Variants in ATP10A observed in about 807,000 individuals in gnomAD.
ATP10A encodes phospholipid-transporting ATPase VA.
In ATP10A, 111 loss-of-function variants were observed where a neutral mutation model predicts 147.8. The observed-to-expected ratio is 0.75, with a 90% CI of 0.64 to 0.88. The LOEUF (loss-of-function observed/expected upper bound fraction) is 0.88, where lower values mean the gene tolerates loss of function less well. Among genes scored for constraint, ATP10A ranks in the 40% least tolerant of loss-of-function variants. The pLI, the probability that ATP10A is intolerant of heterozygous loss-of-function variation, is 0.00. For synonymous variants in ATP10A, 875 were observed against 841.6 expected, an observed-to-expected ratio of 1.04 and a Z score of -0.69; for missense variants, 1,927 against 1,959.0, an observed-to-expected ratio of 0.98 and a Z score of 0.31.
chr15:25,692,336 T>C (rs937377356), intron 14 of ATP10A, among the ~76,000 whole-genome samples: 1 of 152,122 alleles, frequency 6.6e-6, no homozygotes. Flanking sequence ...TTCTGTCAAT[T>C]TGTTGATAGA....
chr15:25,837,445 A>G lies in ATP10A; in HGVS notation c.449+25203T>C, dbSNP rs192057051. Among the ~76,000 whole-genome samples the G allele has an allele frequency of 2.2e-3, 335 of 152,310 alleles. 1 individual carries two copies. Among genetic ancestry groups the G allele is most frequent in the Non-Finnish European group, 3.6e-3 (247 of 68,020 alleles). ...ATGCTGTGTGATCTCACGCTAACAA[A>G]CAATCTCAAACACACGGACAGAGTA... On this transcript the variant is annotated intron_variant, in intron 1 of 20. Coordinates refer to ENST00000555815, the MANE Select transcript of ATP10A (RefSeq NM_024490.4).
Position 25,778,301 on chromosome 15 carries a change from A to G in ATP10A, c.654+2718T>C, listed in dbSNP as rs566333285. 2.0e-5 allele frequency among the ~76,000 whole-genome samples: 3 copies of G among 152,354 alleles called. No individual in the cohort carries two copies. The East Asian group carries it at 5.8e-4, about 29-fold the overall frequency. ...TAACCTGTCTGAGACAAGCTAACTC[A>G]GTATTACAAAAAAACTAATTGAAAC... On this transcript the variant is annotated intron_variant, in intron 2 of 20. Coordinates refer to ENST00000555815, the MANE Select transcript of ATP10A (RefSeq NM_024490.4).
At chr15:25,795,059 A>C (rs1890606134) in intron 1 of ATP10A, among the ~76,000 whole-genome samples, 2 of 152,220 alleles carry the variant, frequency 1.3e-5, no homozygotes, top group South Asian at 4.1e-4. Flanking sequence ...GGCATTGCTA[A>C]ATCACAGTGG....
At chr15:25,814,642 A>G (rs1891572365) in intron 1 of ATP10A, among the ~76,000 whole-genome samples, 1 of 152,224 alleles carries the variant, frequency 6.6e-6, no homozygotes, top group African/African-American at 2.4e-5. Context: ...TGGAGTCCCC[A>G]CAGTCCTAAA....
chr15:25,681,240 G>A (rs1445605386), intron 17 of ATP10A, among the ~76,000 whole-genome samples, 166 bp from the exon 18 acceptor site: 3 of 152,148 alleles, frequency 2.0e-5, no homozygotes, highest in Non-Finnish European at 2.9e-5. Context: ...GGGTTCTCAT[G>A]CATAAATACC....
At chr15:25,696,016 G>A (rs1467710145) in intron 13 of ATP10A, among the ~76,000 whole-genome samples, 3 of 152,134 alleles carry the variant, frequency 2.0e-5, no homozygotes, top group Admixed American at 6.5e-5. Context: ...ACCTACGGTG[G>A]TAGCAGCACT....
At chr15:25,854,499 A>G (rs1471147215) in intron 1 of ATP10A, among the ~76,000 whole-genome samples, 1 of 152,260 alleles carries the variant, frequency 6.6e-6, no homozygotes, top group Non-Finnish European at 1.5e-5. Context: ...AATAGAAAGG[A>G]TTACAAGTGC....
rs576255875 is a variant in ATP10A at position 25,716,904 on chromosome 15, G to A, written c.1602C>T (p.Asp534=). ...SSPMEKDITP[D]PKLLEKVSEC... is the part of the protein sequence containing the mutation. ...CACTCACCTTCTCCAGCAGCTTTGG[G>A]TCGGGCGTGATATCCTTCTCCTGGG... The change falls in exon 9 of 21, where the codon GAC becomes GAT. Residue 534 remains aspartate, a synonymous_variant. Transcript: ENST00000555815. 7.6e-5 allele frequency: 121 copies of A among 1,591,096 alleles called. No individual in the cohort carries two copies. The Middle Eastern group carries it at 1.3e-3, about 18-fold the overall frequency.
At position 25,817,584 on chromosome 15, in the gene ATP10A, G is replaced by T. The variant is rs530316731; in HGVS notation, c.450-36361C>A. ...AATAAGATTGATAAAATAATTTACA[G>T]AAGTGCAGAAAACAACTGCTCAAAT... is the stretch of plus-strand genomic sequence containing the variant. On this transcript the variant is annotated intron_variant, in intron 1 of 20. Coordinates refer to ENST00000555815, the MANE Select transcript of ATP10A (RefSeq NM_024490.4). 9.2e-5 allele frequency among the ~76,000 whole-genome samples: 14 copies of T among 152,298 alleles called. No homozygotes were observed. The South Asian group carries it at 1.0e-3, about 11-fold the overall frequency.
At chr15:25,791,084 GTTTT>G (rs66598588) in intron 1 of ATP10A, among the ~76,000 whole-genome samples, 1 of 129,578 alleles carries the variant, frequency 7.7e-6, no homozygotes, top group African/African-American at 2.8e-5. Context: ...CCCTGCAAGT[GTTTT>G]TTTTTTTTTT....
Position 25,683,308 on chromosome 15 carries a change from T to C in ATP10A, c.3470A>G (p.Tyr1157Cys), listed in dbSNP as rs748739957. The C allele has an allele frequency of 5.6e-6, 9 of 1,613,896 alleles. No individual in the cohort carries two copies. The highest frequency in any genetic ancestry group is 1.3e-5 in the African/African-American group (1 of 74,894). ...ANVLLTNPQL[Y>C]KSGQNMEEYR... The stretch of plus-strand genomic sequence containing the variant: ...TACCTCCATGTTCTGGCCACTCTTG[T>C]AGAGCTGCGGGTTGGTCAGCAGCAC... Residue 1157 changes from tyrosine to cysteine, a missense_variant, in exon 17 of 21, where the codon TAC becomes TGC. Transcript: ENST00000555815.
At position 25,832,510 on chromosome 15, in the gene ATP10A, A is replaced by G. The variant is rs186255880; in HGVS notation, c.449+30138T>C. Among the ~76,000 whole-genome samples the G allele has an allele frequency of 1.2e-4, 19 of 152,136 alleles. No homozygotes were observed. In the East Asian group the frequency reaches 3.3e-3, roughly 26 times the overall value. ...GGCATCTTTATATTTAAGGTTGTCA[A>G]TGACCAGATTCCATTTTTTGTCTTA... On this transcript the variant is annotated intron_variant, in intron 1 of 20. Coordinates refer to ENST00000555815, the MANE Select transcript of ATP10A (RefSeq NM_024490.4).
At chr15:25,800,005 C>A (rs1460992841) in intron 1 of ATP10A, among the ~76,000 whole-genome samples, 1 of 152,114 alleles carries the variant, frequency 6.6e-6, no homozygotes, top group African/African-American at 2.4e-5. Flanking sequence ...CTCAGGAATT[C>A]TAAAGAAGGA....
Position 25,714,965 on chromosome 15 carries a change from T to TACACAC in ATP10A, c.1777-730_1777-725dup, listed in dbSNP as rs10523875. Among the ~76,000 whole-genome samples the TACACAC allele has an allele frequency of 5.3e-4, 77 of 145,708 alleles. 1 individual carries two copies. Among genetic ancestry groups the TACACAC allele is most frequent in the African/African-American group, 8.6e-4 (34 of 39,644 alleles). ...TAAGAAACAAAATGAATGACACATATACACACACACACACACACACACACA... is the reference window on the plus strand; with the variant it reads ...TAAGAAACAAAATGAATGACACATATACACACACACACACACACACACACACACACA... On this transcript the variant is annotated intron_variant, in intron 9 of 20. Transcript: ENST00000555815.
chr15:25,784,632 GA>G (rs1479852124), intron 1 of ATP10A, among the ~76,000 whole-genome samples: 2 of 152,126 alleles, frequency 1.3e-5, no homozygotes, highest in Non-Finnish European at 2.9e-5. Context: ...TGGCTTCTAA[GA>G]AAAGGCCCTG....
At chr15:25,699,118 TAAG>T (rs202179278) in intron 13 of ATP10A, among the ~76,000 whole-genome samples, 1,629 of 152,188 alleles carry the variant, frequency 0.011, 16 homozygotes, top group African/African-American at 0.025. Context: ...AGGCAACAAA[TAAG>T]AAGACTAGCC....
intron 1 of ATP10A, among the ~76,000 whole-genome samples, chr15:25,790,107 C>G (rs969304422): frequency 6.6e-6 from 1 of 152,098 alleles, no homozygotes; most frequent in African/African-American, 2.4e-5. Flanking sequence ...TGCATAACGC[C>G]CAGAATGTGT....
chr15:25,778,059 C>A (rs952129558), intron 2 of ATP10A, among the ~76,000 whole-genome samples: 14 of 152,088 alleles, frequency 9.2e-5, no homozygotes, highest in Non-Finnish European at 1.8e-4. Context: ...CTGATTGAAT[C>A]ATGTGTGGTT....
At chr15:25,815,123 C>T (rs1891595038) in intron 1 of ATP10A, among the ~76,000 whole-genome samples, 1 of 152,184 alleles carries the variant, frequency 6.6e-6, no homozygotes, top group South Asian at 2.1e-4. Flanking sequence ...AGGTCGACAT[C>T]ACACCACCAG....
Sources: gnomAD v4.1 joint callset for allele counts (sites outside exome capture counted in the v4.1 genomes callset) on GRCh38, gnomAD v4.1.1 for gene constraint, MANE v1.5 for transcripts, NCBI Gene and HGNC (gene_info 2026-07-23, HGNC 2026-07-21) for gene names.